Variants in STS observed in about 807,000 individuals in gnomAD.
STS encodes the protein steryl-sulfatase.
STS carries 7 observed loss-of-function variants against 26.8 expected under a neutral mutation model. The observed-to-expected ratio is 0.26, with a 90% CI of 0.15 to 0.49. The LOEUF is 0.49. Ranked by LOEUF, STS falls within the 20% of genes least tolerant of loss-of-function variation. The pLI, the probability that STS is intolerant of heterozygous loss-of-function variation, is 0.98. For missense variants in STS, 434 were observed against 465.6 expected, an observed-to-expected ratio of 0.93 and a Z score of 0.63; for synonymous variants, 199 against 189.4, an observed-to-expected ratio of 1.05 and a Z score of -0.42.
intron 7 of STS, among the ~76,000 whole-genome samples, chrX:7,290,928 A>G (rs1925385535): frequency 9.0e-6 from 1 of 111,398 alleles, no homozygotes; most frequent in African/African-American, 3.3e-5. Flanking sequence ...GCGTCAGTTG[A>G]TTCTCTTTTC....
In STS at chrX:7,350,213, G is replaced by T; in HGVS notation, c.1689G>T (p.Leu563=). The T allele has an allele frequency of 8.3e-7, 1 of 1,211,485 alleles. No homozygotes were observed. The highest frequency in any genetic ancestry group is 1.8e-5 in the South Asian group (1 of 56,919). ...WLQLCCPSTG[L]SCQCDREKQD... Reference sequence around the variant, plus strand: ...AGCTGTGCTGTCCTTCCACCGGCCTGTCTTGCCAGTGTGATAGAGAAAAAC... The same window carrying T: ...AGCTGTGCTGTCCTTCCACCGGCCTTTCTTGCCAGTGTGATAGAGAAAAAC... Residue 563 remains leucine (L), a synonymous_variant, in exon 11 of 11, where the codon CTG becomes CTT. Coordinates refer to ENST00000674429, the MANE Select transcript of STS (RefSeq NM_001320752.2).
intron 1 of STS, among the ~76,000 whole-genome samples, chrX:7,170,906 C>A (rs751575306): frequency 8.9e-6 from 1 of 111,914 alleles, no homozygotes; most frequent in African/African-American, 3.2e-5. Flanking sequence ...TAATCAAACA[C>A]GTAATTAGAT....
intron 1 of STS, among the ~76,000 whole-genome samples, chrX:7,176,681 G>C (rs778059570): frequency 3.6e-5 from 4 of 111,674 alleles, no homozygotes; most frequent in African/African-American, 1.3e-4. Context: ...ACAGAAGAAT[G>C]AGAACCGAGT....
intron 2 of STS, among the ~76,000 whole-genome samples, chrX:7,195,132 T>C (rs1157338132): frequency 8.9e-6 from 1 of 112,103 alleles, no homozygotes; most frequent in Non-Finnish European, 1.9e-5. Context: ...ATAAAATAAG[T>C]GTGGAGGCCG....
At chrX:7,160,904 G>A (rs1374671195) in intron 1 of STS, among the ~76,000 whole-genome samples, 5 of 111,843 alleles carry the variant, frequency 4.5e-5, no homozygotes, top group African/African-American at 1.6e-4. Context: ...GGGCATACAC[G>A]TAGATCTCTC....
intron 8 of STS, among the ~76,000 whole-genome samples, chrX:7,314,323 C>T: frequency 9.0e-6 from 1 of 111,441 alleles, no homozygotes. Flanking sequence ...CACCACTGCA[C>T]TCCAGCCTGG....
intron 6 of STS, among the ~76,000 whole-genome samples, chrX:7,265,023 T>C (rs1474369849): frequency 2.4e-4 from 3 of 12,648 alleles, no homozygotes; most frequent in Non-Finnish European, 4.7e-4. Context: ...TTTTATTCTG[T>C]TTTTTTTTTT....
Position 7,172,027 on chromosome X carries a change from T to C in STS, c.-133-18853T>C, listed in dbSNP as rs752952208. Among the ~76,000 whole-genome samples, 7 of 112,098 alleles carry C rather than the reference T, an allele frequency of 6.2e-5. No homozygotes were observed. The East Asian group carries it at 2.0e-3, about 31-fold the overall frequency. ...ATCACCATAAATGAGTTTGGGAATA[T>C]TCTCATCACCCAAGTGAGATTCTTC... On this transcript the variant is annotated intron_variant, in intron 1 of 10. Transcript: ENST00000674429.
intron 2 of STS, among the ~76,000 whole-genome samples, chrX:7,234,761 T>C (rs1346390576): frequency 8.9e-6 from 1 of 112,446 alleles, no homozygotes; most frequent in Non-Finnish European, 1.9e-5. Flanking sequence ...TTCTTGAATC[T>C]GATCCTTTTA....
At chrX:7,335,129 G>C (rs746816436) in intron 10 of STS, among the ~76,000 whole-genome samples, 7 of 112,298 alleles carry the variant, frequency 6.2e-5, no homozygotes, top group African/African-American at 9.7e-5. Flanking sequence ...ACCCAGTAAT[G>C]GTATGGCTGG....
intron 6 of STS, among the ~76,000 whole-genome samples, chrX:7,261,372 G>A (rs1166152090): frequency 1.8e-5 from 2 of 112,025 alleles, no homozygotes; most frequent in African/African-American, 3.2e-5. Context: ...ACAATGAAAA[G>A]GAAGTTATTG....
At chrX:7,237,291 G>T (rs1922366884) in intron 2 of STS, among the ~76,000 whole-genome samples, 1 of 107,899 alleles carries the variant, frequency 9.3e-6, no homozygotes, top group African/African-American at 3.4e-5. Context: ...ATACAAACAT[G>T]CACACACACA....
chrX:7,246,609 G>A (rs1846094142), intron 2 of STS, among the ~76,000 whole-genome samples: 1 of 111,611 alleles, frequency 9.0e-6, no homozygotes, highest in Non-Finnish European at 1.9e-5. Context: ...CCCGGCCCTG[G>A]GAGAGACTTT....
intron 1 of STS, among the ~76,000 whole-genome samples, chrX:7,156,811 T>C (rs767201355): frequency 8.9e-6 from 1 of 111,974 alleles, no homozygotes; most frequent in Non-Finnish European, 1.9e-5. Context: ...ATTTTTTGTG[T>C]TCCTTCTTTG....
intron 10 of STS, among the ~76,000 whole-genome samples, chrX:7,343,270 G>A (rs766909679): frequency 2.7e-4 from 30 of 112,059 alleles, no homozygotes; most frequent in Admixed American, 4.7e-4. Flanking sequence ...GAGCCACTGT[G>A]TTGAAACCAT....
In STS at chrX:7,233,561, G is replaced by A. The variant is rs970954177; in HGVS notation, c.-4-19635G>A. On this transcript the variant is annotated intron_variant, in intron 2 of 10. Transcript: ENST00000674429. ...TTCCACCTGCGCAGGTCACCTGCTGGTCATCTAATTACCAAAGCAATTTTT... is the reference window on the plus strand; with the variant it reads ...TTCCACCTGCGCAGGTCACCTGCTGATCATCTAATTACCAAAGCAATTTTT... Among the ~76,000 whole-genome samples, 3 of 111,198 alleles carry A rather than the reference G, an allele frequency of 2.7e-5. No individual in the cohort carries two copies. The Admixed American group carries it at 2.9e-4, about 11-fold the overall frequency.
intron 2 of STS, among the ~76,000 whole-genome samples, chrX:7,241,722 G>A (rs1457832092): frequency 1.8e-5 from 2 of 111,874 alleles, no homozygotes; most frequent in African/African-American, 3.2e-5. Flanking sequence ...AAAGCAACTT[G>A]CGTTTGTTAT....
At chrX:7,271,576 A>T (rs766209915) in intron 6 of STS, among the ~76,000 whole-genome samples, 13 of 111,120 alleles carry the variant, frequency 1.2e-4, no homozygotes, top group Admixed American at 8.6e-4. Context: ...TAGGATGACA[A>T]TTACAGTGCT....
chrX:7,283,656 A>G (rs1461169617), intron 7 of STS, among the ~76,000 whole-genome samples: 1 of 110,542 alleles, frequency 9.0e-6, no homozygotes, highest in African/African-American at 3.3e-5. Context: ...AAGTAGGATC[A>G]CCAAACTTAT....
Sources: gnomAD v4.1 joint callset for allele counts (sites outside exome capture counted in the v4.1 genomes callset) on GRCh38, gnomAD v4.1.1 for gene constraint, MANE v1.5 for transcripts, NCBI Gene and HGNC (gene_info 2026-07-23, HGNC 2026-07-21) for gene names.